The following CEP63 variants were observed in gnomAD, a reference collection of about 807,000 sequenced individuals.
The protein encoded by CEP63 is centrosomal protein of 63 kDa.
Under a neutral mutation model 89.1 loss-of-function variants are expected in CEP63, and 84 were observed. The observed-to-expected ratio is 0.94, with a 90% CI of 0.79 to 1.13. The LOEUF is 1.13. Among genes scored for constraint, CEP63 ranks in the 50% most tolerant of loss-of-function variants. The pLI is 0.00. For missense variants in CEP63, 838 were observed against 813.3 expected, an observed-to-expected ratio of 1.03 and a Z score of -0.37; for synonymous variants, 267 against 272.5, an observed-to-expected ratio of 0.98 and a Z score of 0.20.
chr3:134,546,065 T>C, intron 7 of CEP63, 84 bp from the exon 8 acceptor site: 1 of 1,447,684 alleles, frequency 6.9e-7, no homozygotes, highest in Non-Finnish European at 9.5e-7. Flanking sequence ...TAATAATAGC[T>C]GGCTTAGAAA....
chr3:134,581,078 A>G (rs2110328785), intron 10 of CEP63, among the ~76,000 whole-genome samples: 1 of 148,090 alleles, frequency 6.8e-6, no homozygotes, highest in South Asian at 2.2e-4. Flanking sequence ...CAAGGAATGC[A>G]GGCAGCCTCT....
chr3:134,704,492 CA>C, the CEP63 span, among the ~76,000 whole-genome samples: 4 of 152,016 alleles, frequency 2.6e-5, no homozygotes, highest in Non-Finnish European at 5.9e-5. Flanking sequence ...GAAGGAAAAA[CA>C]GAAAAAGAGA....
At chr3:134,676,369 A>G in the CEP63 span, among the ~76,000 whole-genome samples, 15 of 152,326 alleles carry the variant, frequency 9.8e-5, no homozygotes, top group Non-Finnish European at 1.5e-4. Flanking sequence ...TATGAAATGT[A>G]CAGAATGGGC....
the CEP63 span, among the ~76,000 whole-genome samples, chr3:134,680,755 T>C: frequency 1.3e-5 from 2 of 152,200 alleles, no homozygotes; most frequent in African/African-American, 4.8e-5. Flanking sequence ...AGCTAGTGGC[T>C]CGAAAAGAAG....
intron 3 of CEP63, among the ~76,000 whole-genome samples, chr3:134,527,606 T>C (rs1948935242): frequency 6.6e-6 from 1 of 152,098 alleles, no homozygotes; most frequent in Admixed American, 6.5e-5. Context: ...AGCAAAGCCA[T>C]GTGGGGAGTT....
intron 14 of CEP63, 83 bp downstream of exon 14, chr3:134,559,512 T>G (rs1395234203): frequency 1.3e-5 from 15 of 1,156,018 alleles, no homozygotes; most frequent in Non-Finnish European, 1.9e-5. Context: ...AGAAGGTGAT[T>G]TTTTTTTCCT....
At chr3:134,609,660 G>A in the CEP63 span, among the ~76,000 whole-genome samples, 4 of 152,186 alleles carry the variant, frequency 2.6e-5, no homozygotes, top group South Asian at 4.1e-4. Context: ...TCTGCACCCC[G>A]GCTGCCCTGC....
At chr3:134,679,055 T>C in the CEP63 span, among the ~76,000 whole-genome samples, 5 of 150,592 alleles carry the variant, frequency 3.3e-5, no homozygotes, top group Admixed American at 7.3e-5. Flanking sequence ...GATATCACCA[T>C]TGACATCCAT....
At chr3:134,763,294 T>C in the CEP63 span, among the ~76,000 whole-genome samples, 1 of 152,040 alleles carries the variant, frequency 6.6e-6, no homozygotes, top group Non-Finnish European at 1.5e-5. Context: ...TGTATTCTCA[T>C]TGTTCAATTC....
At chr3:134,516,054 C>T (rs1314881478) in intron 3 of CEP63, among the ~76,000 whole-genome samples, 1 of 152,028 alleles carries the variant, frequency 6.6e-6, no homozygotes, top group African/African-American at 2.4e-5. Context: ...CCCAGGGGAC[C>T]GGCGTTCAGC....
intron 3 of CEP63, among the ~76,000 whole-genome samples, chr3:134,507,550 ATTGT>A (rs1943776250): frequency 6.6e-6 from 1 of 152,180 alleles, no homozygotes; most frequent in Non-Finnish European, 1.5e-5. Context: ...GGTACCACAC[ATTGT>A]TTGTTTAACC....
the CEP63 span, among the ~76,000 whole-genome samples, chr3:134,715,995 A>G: frequency 1.3e-5 from 2 of 151,494 alleles, no homozygotes; most frequent in Admixed American, 1.3e-4. Flanking sequence ...TTTTATCACT[A>G]TTAATCCCCT....
the CEP63 span, among the ~76,000 whole-genome samples, chr3:134,750,638 C>A: frequency 1.7e-3 from 265 of 152,270 alleles, 12 homozygotes; most frequent in South Asian, 0.052. Context: ...GTGGGGGAAG[C>A]CAGCTCATCT....
chr3:134,523,920 G>A (rs569952303), intron 3 of CEP63, among the ~76,000 whole-genome samples: 1 of 152,018 alleles, frequency 6.6e-6, no homozygotes, highest in Non-Finnish European at 1.5e-5. Flanking sequence ...TCCTAGTTCT[G>A]TGAAGAATGT....
chr3:134,583,586 TGTA>T (rs1958413373), intron 10 of CEP63, among the ~76,000 whole-genome samples: 1 of 152,202 alleles, frequency 6.6e-6, no homozygotes, highest in African/African-American at 2.4e-5. Context: ...ACTGTAGCCT[TGTA>T]GTATAGTTTG....
chr3:134,688,593 C>T, the CEP63 span, among the ~76,000 whole-genome samples: 21 of 152,294 alleles, frequency 1.4e-4, no homozygotes, highest in East Asian at 1.9e-4. Flanking sequence ...AGAGTAGACT[C>T]GTGTGTTGTC....
the CEP63 span, among the ~76,000 whole-genome samples, chr3:134,652,451 C>T: frequency 6.6e-6 from 1 of 150,744 alleles, no homozygotes; most frequent in African/African-American, 2.5e-5. Flanking sequence ...AGCGCCCCCC[C>T]CCACCACCCC....
At chr3:134,651,097 C>G in the CEP63 span, 1 of 1,523,382 alleles carries the variant, frequency 6.6e-7, no homozygotes, top group Non-Finnish European at 8.8e-7. Context: ...CCGCTGGAGC[C>G]GCAGGGCGCT....
At chr3:134,673,055 T>C in the CEP63 span, among the ~76,000 whole-genome samples, 2 of 152,164 alleles carry the variant, frequency 1.3e-5, no homozygotes, top group Admixed American at 6.5e-5. Context: ...CACCCCTCCG[T>C]GAAAACTCCA....
Sources: gnomAD v4.1 joint callset for allele counts (sites outside exome capture counted in the v4.1 genomes callset) on GRCh38, gnomAD v4.1.1 for gene constraint, MANE v1.5 for transcripts, NCBI Gene and HGNC (gene_info 2026-07-23, HGNC 2026-07-21) for gene names.